GULP1: variants seen among roughly 807,000 people sequenced by gnomAD.
The protein encoded by GULP1 is PTB domain-containing engulfment adapter protein 1.
A neutral mutation model predicts 40.9 loss-of-function variants in GULP1; 19 were observed. That is an observed-to-expected ratio of 0.46 (90% CI 0.32 to 0.68). The LOEUF is 0.68. Ranked by LOEUF, GULP1 falls within the 30% of genes least tolerant of loss-of-function variation. The probability of loss-of-function intolerance (pLI) is 0.03; values close to 1 mark genes in which losing one functional copy is unlikely to be tolerated. For synonymous variants in GULP1, 119 were observed against 117.6 expected (o/e 1.01, Z -0.08); for missense variants, 312 against 362.2 (o/e 0.86, Z 1.12).
At chr2:188,443,358 G>A (rs1440414351) in intron 2 of GULP1, among the ~76,000 whole-genome samples, 2 of 152,012 alleles carry the variant, frequency 1.3e-5, no homozygotes, top group African/African-American at 2.4e-5. Context: ...CTCCTGATTC[G>A]TGAAGCCCTC....
chr2:188,536,332 A>C (rs1688920154), intron 6 of GULP1, among the ~76,000 whole-genome samples: 1 of 152,090 alleles, frequency 6.6e-6, no homozygotes, highest in African/African-American at 2.4e-5. Context: ...GAGGTACTAC[A>C]TTATTTAATC....
chr2:188,510,820 A>G (rs1376992322), intron 4 of GULP1, among the ~76,000 whole-genome samples: 1 of 151,246 alleles, frequency 6.6e-6, no homozygotes, highest in Non-Finnish European at 1.5e-5. Flanking sequence ...GAAAAAAAAA[A>G]ACAACAACAA....
At chr2:188,442,694 G>A (rs2058043850) in intron 2 of GULP1, among the ~76,000 whole-genome samples, 2 of 152,054 alleles carry the variant, frequency 1.3e-5, no homozygotes, top group Non-Finnish European at 2.9e-5. Flanking sequence ...CTGTAAAATT[G>A]GGTTATAAAA....
chr2:188,335,002 A>C (rs907621905), intron 1 of GULP1, among the ~76,000 whole-genome samples: 1 of 152,254 alleles, frequency 6.6e-6, no homozygotes, highest in Admixed American at 6.5e-5. Context: ...TCAGGCACAG[A>C]GAAAGATATA....
intron 1 of GULP1, among the ~76,000 whole-genome samples, chr2:188,297,111 A>G (rs1247080894): frequency 1.3e-5 from 2 of 152,040 alleles, no homozygotes; most frequent in South Asian, 2.1e-4. Flanking sequence ...CTAATTAAAA[A>G]TGTTTCCCAG....
chr2:188,375,899 A>G (rs1260900874), intron 1 of GULP1, among the ~76,000 whole-genome samples: 1 of 152,094 alleles, frequency 6.6e-6, no homozygotes, highest in Non-Finnish European at 1.5e-5. Flanking sequence ...CAGGGGATTG[A>G]TTCCAGGGCC....
intron 7 of GULP1, among the ~76,000 whole-genome samples, chr2:188,568,204 C>T (rs1325311998): frequency 2.6e-5 from 4 of 152,026 alleles, no homozygotes; most frequent in Non-Finnish European, 5.9e-5. Flanking sequence ...TTATGTTGAT[C>T]ACAGTAGATA....
intron 1 of GULP1, among the ~76,000 whole-genome samples, chr2:188,376,454 T>C (rs570866478): frequency 1.3e-5 from 2 of 152,268 alleles, no homozygotes; most frequent in South Asian, 2.1e-4. Context: ...AATGATGGAA[T>C]TGAGTGAACA....
At chr2:188,327,508 G>A (rs1014965328) in intron 1 of GULP1, among the ~76,000 whole-genome samples, 1 of 152,074 alleles carries the variant, frequency 6.6e-6, no homozygotes, top group African/African-American at 2.4e-5. Context: ...AGACTGTAGA[G>A]GCTATTTACT....
intron 6 of GULP1, among the ~76,000 whole-genome samples, chr2:188,533,781 A>C (rs1313951224): frequency 1.3e-5 from 2 of 152,174 alleles, no homozygotes; most frequent in Non-Finnish European, 2.9e-5. Context: ...ACAATTGAAC[A>C]AGCAAAAAAT....
chr2:188,378,244 G>A (rs1413724380), intron 1 of GULP1, among the ~76,000 whole-genome samples: 1 of 145,208 alleles, frequency 6.9e-6, no homozygotes, highest in Admixed American at 7.1e-5. Flanking sequence ...ACGCTACTTT[G>A]CTTCAATTCT....
At chr2:188,564,826 T>A (rs1697252063) in intron 7 of GULP1, among the ~76,000 whole-genome samples, 2 of 151,998 alleles carry the variant, frequency 1.3e-5, no homozygotes, top group Admixed American at 6.5e-5. Context: ...CTTAAACTCT[T>A]ATCAAGTCAG....
At chr2:188,505,971 T>C (rs905528491) in intron 4 of GULP1, among the ~76,000 whole-genome samples, 2 of 151,856 alleles carry the variant, frequency 1.3e-5, no homozygotes, top group East Asian at 1.9e-4. Context: ...CACATCTACA[T>C]AGTACAGTTA....
chr2:188,464,091 C>T (rs1314532457), intron 2 of GULP1, among the ~76,000 whole-genome samples: 1 of 151,996 alleles, frequency 6.6e-6, no homozygotes, highest in Non-Finnish European at 1.5e-5. Flanking sequence ...ATGTGTCTGG[C>T]CATTGAAGAG....
At chr2:188,326,204 ATATTAAGTCCAGATCTAAT>A (rs1345700292) in intron 1 of GULP1, among the ~76,000 whole-genome samples, 5 of 152,104 alleles carry the variant, frequency 3.3e-5, no homozygotes, top group Non-Finnish European at 5.9e-5. Context: ...TACATTATGC[ATATTAAGTCCAGATCTAAT>A]ATTTCATTAT....
At chr2:188,585,075 C>T (rs567039597) in intron 10 of GULP1, among the ~76,000 whole-genome samples, 2 of 152,288 alleles carry the variant, frequency 1.3e-5, no homozygotes, top group South Asian at 2.1e-4. Context: ...GAAGGAGCCA[C>T]AGGCCCCTTG....
At chr2:188,325,368 A>G (rs2040602266) in intron 1 of GULP1, among the ~76,000 whole-genome samples, 1 of 152,052 alleles carries the variant, frequency 6.6e-6, no homozygotes, top group East Asian at 1.9e-4. Flanking sequence ...GGACAAATAA[A>G]ATTTTGCTGT....
intron 2 of GULP1, among the ~76,000 whole-genome samples, chr2:188,408,208 T>C (rs2053388613): frequency 6.6e-6 from 1 of 152,134 alleles, no homozygotes; most frequent in South Asian, 2.1e-4. Flanking sequence ...CTCCCACCAT[T>C]GTCATGATGT....
intron 2 of GULP1, among the ~76,000 whole-genome samples, chr2:188,441,326 T>G (rs1170548741): frequency 6.6e-6 from 1 of 152,186 alleles, no homozygotes; most frequent in Non-Finnish European, 1.5e-5. Flanking sequence ...GTGAATCATG[T>G]TGACAAAATA....
Sources: gnomAD v4.1 joint callset for allele counts (sites outside exome capture counted in the v4.1 genomes callset) on GRCh38, gnomAD v4.1.1 for gene constraint, MANE v1.5 for transcripts, NCBI Gene and HGNC (gene_info 2026-07-23, HGNC 2026-07-21) for gene names.